Variants in ICMT observed in about 807,000 individuals in gnomAD.
ICMT encodes the protein protein-S-isoprenylcysteine O-methyltransferase.
Under a neutral mutation model 32.2 loss-of-function variants are expected in ICMT, and 10 were observed. The observed-to-expected ratio is 0.31, with a 90% confidence interval of 0.19 to 0.53. The LOEUF (loss-of-function observed/expected upper bound fraction) is 0.53, where lower values mean the gene tolerates loss of function less well. ICMT is among the 20% of genes least tolerant of loss of function. ICMT has a pLI of 0.96. For synonymous variants in ICMT, 183 were observed against 158.2 expected (o/e 1.16, Z -1.18); for missense variants, 265 against 356.9 (o/e 0.74, Z 2.07).
In ICMT at chr1:6,221,789, C is replaced by G. The variant is rs1668556896; in HGVS notation, c.*3291G>C. Reference sequence around the variant, plus strand: ...TTTTCTGTCCTGCTAAGAGGCTCACCCCGCGACCTCTTCTGTAAACTGCCA... The same window carrying G: ...TTTTCTGTCCTGCTAAGAGGCTCACGCCGCGACCTCTTCTGTAAACTGCCA... On this transcript the variant is annotated 3_prime_UTR_variant, in exon 5 of 5. Transcript: ENST00000343813. 1 of 152,176 alleles carries G rather than the reference C, an allele frequency of 6.6e-6. No homozygotes were observed. Among genetic ancestry groups the G allele is most frequent in the South Asian group, 2.1e-4 (1 of 4,824 alleles). The allele number at this position is 152,176 out of a possible 1,614,324, so 9.4% of individuals were successfully genotyped here.
rs1469350056 is a variant in ICMT, at chr1:6,235,736, T to C, written c.176A>G (p.Tyr59Cys). 9 of 1,308,788 alleles carry C rather than the reference T, an allele frequency of 6.9e-6. No homozygotes were observed. The highest frequency in any genetic ancestry group is 3.9e-5 in the East Asian group (1 of 25,448). The allele number at this position is 1,308,788 out of a possible 1,614,324, so 81.1% of individuals were successfully genotyped here. ...AGLNALLLLLYRPPRYQIAIR... is the reference protein window; with the variant it reads ...AGLNALLLLLCRPPRYQIAIR... ...CTGCACCTGGTAGCGAGGCGGCCGATAGAGCAGCAGCAGCAGCGCGTTGAG... is the reference window on the plus strand; with the variant it reads ...CTGCACCTGGTAGCGAGGCGGCCGACAGAGCAGCAGCAGCAGCGCGTTGAG... Residue 59 changes from tyrosine (Y) to cysteine (C), a missense_variant, in exon 1 of 5, where the codon TAT becomes TGT. Physicochemically the swap from Tyr to Cys is radical, Grantham distance 194. This residue lies in a region of ICMT where 99 missense variants were observed against 92.6 expected (regional missense o/e 1.07). Transcript: ENST00000343813.
Position 6,235,923 on chromosome 1 carries a change from G to A in ICMT, c.-12C>T. The A allele has an allele frequency of 2.7e-6, 3 of 1,107,966 alleles. No homozygotes were observed. The highest frequency in any genetic ancestry group is 3.3e-6 in the Non-Finnish European group (3 of 909,276). The allele number at this position is 1,107,966 out of a possible 1,614,324, so 68.6% of individuals were successfully genotyped here. On this transcript the variant is annotated 5_prime_UTR_variant, in exon 1 of 5. Transcript: ENST00000343813. ...GCGCAGCCCGCCATGGCGCCGGGCG[G>A]CGGACTAGCGGGCGGCGGCGCCGGC...
At chr1:6,233,254 T>C (rs962571126) in intron 3 of ICMT, among the ~76,000 whole-genome samples, 2 of 152,264 alleles carry the variant, frequency 1.3e-5, no homozygotes, top group African/African-American at 4.8e-5. Flanking sequence ...CACTATGTGA[T>C]GCAAACTTTA....
At chr1:6,228,182 A>G (rs757295837) in intron 4 of ICMT, among the ~76,000 whole-genome samples, 1 of 152,118 alleles carries the variant, frequency 6.6e-6, no homozygotes, top group Non-Finnish European at 1.5e-5. Flanking sequence ...ACAGGGTCTC[A>G]CTCTGTTGCC....
intron 4 of ICMT, among the ~76,000 whole-genome samples, chr1:6,230,878 C>G (rs1353949307): frequency 3.3e-4 from 44 of 132,492 alleles, no homozygotes; most frequent in African/African-American, 1.3e-3. Flanking sequence ...AACAGGGCAA[C>G]AGAGTGAGAC....
intron 4 of ICMT, among the ~76,000 whole-genome samples, chr1:6,228,509 ATTGT>A (rs1668679556): frequency 6.6e-6 from 1 of 151,850 alleles, no homozygotes; most frequent in Non-Finnish European, 1.5e-5. Context: ...CACCAGGCTA[ATTGT>A]TTGTATTTTT....
In ICMT at chr1:6,231,899, T is replaced by C; in HGVS notation, c.672+3A>G. On this transcript the variant is annotated splice_donor_region_variant and intron_variant, in intron 4 of 4. Coordinates refer to ENST00000343813, the MANE Select transcript of ICMT (RefSeq NM_012405.4). ...AAAAGCAGTGTCATATTTAATATTA[T>C]ACCTGAGTTCCAATACTCCAGTAAA... 1 of 1,519,596 alleles carries C rather than the reference T, an allele frequency of 6.6e-7. No individual in the cohort carries two copies. Among genetic ancestry groups the C allele is most frequent in the Non-Finnish European group, 9.0e-7 (1 of 1,115,482 alleles). 94.1% of individuals were successfully genotyped at this position (1,519,596 alleles called of 1,614,324 possible). A position where few individuals can be genotyped will look rare whatever the true frequency, so the allele number is the denominator to read the frequency against.
chr1:6,232,090 T>C lies in ICMT; in HGVS notation c.484A>G (p.Thr162Ala), dbSNP rs1668747299. ...ELKQITWLSV[T>A]GLLMVVFGEC... Reference sequence around the variant, plus strand: ...CCGAAGACCACCATCAGCAGCCCTGTGACACTGAGCCAGGTAATCTGCTTC... The same window carrying C: ...CCGAAGACCACCATCAGCAGCCCTGCGACACTGAGCCAGGTAATCTGCTTC... The change falls in exon 4 of 5, where the codon ACA becomes GCA. Residue 162 changes from threonine to alanine, a missense_variant. This residue lies in a region of ICMT where 166 missense variants were observed against 264.3 expected (regional missense o/e 0.63). Coordinates refer to ENST00000343813, the MANE Select transcript of ICMT (RefSeq NM_012405.4). The C allele has an allele frequency of 6.2e-7, 1 of 1,614,024 alleles. No individual in the cohort carries two copies. The highest frequency in any genetic ancestry group is 8.5e-7 in the Non-Finnish European group (1 of 1,179,982).
chr1:6,234,423 T>C (rs1170893386), intron 2 of ICMT: 2 of 477,718 alleles, frequency 4.2e-6, no homozygotes, highest in Non-Finnish European at 8.3e-6. Flanking sequence ...CACTGGTTCA[T>C]ATCCAGGTCA....
chr1:6,232,330 G>A (rs1027735232), intron 3 of ICMT, among the ~76,000 whole-genome samples: 1 of 152,108 alleles, frequency 6.6e-6, no homozygotes, highest in East Asian at 1.9e-4. Flanking sequence ...ACACCAATAA[G>A]CACAATGAAA....
Position 6,235,951 on chromosome 1 carries a change from T to TATCCCGGAGAAACGCGCCGGCTGC in ICMT, c.-41_-40insGCAGCCGGCGCGTTTCTCCGGGAT. 9.7e-7 allele frequency: 1 copy of TATCCCGGAGAAACGCGCCGGCTGC among 1,026,546 alleles called. No homozygotes were observed. The highest frequency in any genetic ancestry group is 1.8e-5 in the African/African-American group (1 of 57,086). 63.6% of individuals were successfully genotyped at this position (1,026,546 alleles called of 1,614,324 possible). A position where few individuals can be genotyped will look rare whatever the true frequency, so the allele number is the denominator to read the frequency against. Reference sequence around the variant, plus strand: ...GACTAGCGGGCGGCGGCGCCGGCTGTAGCCCGGAGAAACGCGCCGGCTGCG... The same window carrying TATCCCGGAGAAACGCGCCGGCTGC: ...GACTAGCGGGCGGCGGCGCCGGCTGTATCCCGGAGAAACGCGCCGGCTGCAGCCCGGAGAAACGCGCCGGCTGCG... On this transcript the variant is annotated 5_prime_UTR_variant, in exon 1 of 5. Transcript: ENST00000343813.
At chr1:6,231,180 AAAG>A (rs1183306462) in intron 4 of ICMT, among the ~76,000 whole-genome samples, 113 of 140,650 alleles carry the variant, frequency 8.0e-4, no homozygotes, top group Non-Finnish European at 1.2e-3. Context: ...CAAAAAAAAA[AAAG>A]AAAGAAAGAA....
rs1668573688 is a variant in ICMT at position 6,222,609 on chromosome 1, C to G, written c.*2471G>C. The stretch of plus-strand genomic sequence containing the variant: ...GCATTTCACCATGAAACCCTAAGAC[C>G]TGCCTCCTGGGCTCCTTCCAGCTGG... On this transcript the variant is annotated 3_prime_UTR_variant, in exon 5 of 5. Transcript: ENST00000343813. 1.3e-5 allele frequency: 2 copies of G among 152,318 alleles called. No individual in the cohort carries two copies. Among genetic ancestry groups the G allele is most frequent in the South Asian group, 4.1e-4 (2 of 4,834 alleles). 9.4% of individuals were successfully genotyped at this position (152,318 alleles called of 1,614,324 possible).
At chr1:6,233,399 A>G in intron 3 of ICMT, 75 bp downstream of exon 3, 2 of 1,365,798 alleles carry the variant, frequency 1.5e-6, no homozygotes, top group Non-Finnish European at 2.0e-6. Context: ...CTGAAAGGTG[A>G]ATCAATGTCA....
chr1:6,222,622 TC>T lies in ICMT; in HGVS notation c.*2457del, dbSNP rs1198966690. 1 of 152,246 alleles carries T rather than the reference TC, an allele frequency of 6.6e-6. No individual in the cohort carries two copies. The highest frequency in any genetic ancestry group is 1.5e-5 in the Non-Finnish European group (1 of 68,100). 9.4% of individuals were successfully genotyped at this position (152,246 alleles called of 1,614,324 possible). On this transcript the variant is annotated 3_prime_UTR_variant, in exon 5 of 5. Transcript: ENST00000343813. ...AAACCCTAAGACCTGCCTCCTGGGC[TC>T]CTTCCAGCTGGTGGGCCTGGTGTGA...
At chr1:6,231,167 T>A in intron 4 of ICMT, among the ~76,000 whole-genome samples, 1 of 147,674 alleles carries the variant, frequency 6.8e-6, no homozygotes. Context: ...CAAGACTAGG[T>A]CTCAAAAAAA....
intron 4 of ICMT, among the ~76,000 whole-genome samples, chr1:6,225,469 A>G (rs940904495): frequency 1.3e-5 from 2 of 152,118 alleles, no homozygotes; most frequent in African/African-American, 2.4e-5. Flanking sequence ...CTCCTCTTAC[A>G]TGAGAGAGAT....
chr1:6,232,570 C>T (rs956138998), intron 3 of ICMT, among the ~76,000 whole-genome samples: 7 of 152,160 alleles, frequency 4.6e-5, no homozygotes, highest in African/African-American at 1.2e-4. Flanking sequence ...TTTTTTGAGA[C>T]GGAGTTTCAC....
At chr1:6,227,399 T>G (rs1398588166) in intron 4 of ICMT, among the ~76,000 whole-genome samples, 1 of 152,132 alleles carries the variant, frequency 6.6e-6, no homozygotes, top group African/African-American at 2.4e-5. Context: ...GTCACCAGAG[T>G]CACCAAGGAC....
Sources: allele counts gnomAD v4.1 joint callset (sites outside exome capture counted in the v4.1 genomes callset), GRCh38; gene constraint gnomAD v4.1.1; regional missense constraint gnomAD v4.1.1; transcripts MANE v1.5; gene names NCBI Gene and HGNC (gene_info 2026-07-23, HGNC 2026-07-21).